Variants in MAST2 observed in about 807,000 individuals in gnomAD.
The protein encoded by MAST2 is microtubule-associated serine/threonine-protein kinase 2.
A neutral mutation model predicts 147.4 loss-of-function variants in MAST2; 70 were observed. That is an observed-to-expected ratio of 0.47 (90% confidence interval 0.39 to 0.58). MAST2 has a LOEUF of 0.58. Ranked by LOEUF, MAST2 falls within the 20% of genes least tolerant of loss-of-function variation. The probability of loss-of-function intolerance (pLI) is 0.00; values close to 1 mark genes in which losing one functional copy is unlikely to be tolerated. For synonymous variants in MAST2, 869 were observed against 896.8 expected (o/e 0.97, Z 0.55); for missense variants, 2,080 against 2,302.3 (o/e 0.90, Z 1.98).
intron 5 of MAST2, among the ~76,000 whole-genome samples, chr1:45,970,320 G>C (rs1360593759): frequency 6.6e-6 from 1 of 152,068 alleles, no homozygotes; most frequent in Non-Finnish European, 1.5e-5. Context: ...CTCAGTTACA[G>C]TTCAGGTCTT....
intron 4 of MAST2, among the ~76,000 whole-genome samples, chr1:45,951,544 C>T (rs561259905): frequency 6.6e-6 from 1 of 152,144 alleles, no homozygotes; most frequent in African/African-American, 2.4e-5. Context: ...GATTGAGCCA[C>T]TGCACTCCAA....
Position 45,934,353 on chromosome 1 carries a change from G to T in MAST2, c.501-25033G>T, listed in dbSNP as rs942737276. ...ACAAAAAAATTAGCCGGGCTTGGTGGCAGGTGCCTGTATTTCCAGCTACTC... is the reference window on the plus strand; with the variant it reads ...ACAAAAAAATTAGCCGGGCTTGGTGTCAGGTGCCTGTATTTCCAGCTACTC... On this transcript the variant is annotated intron_variant, in intron 4 of 28. Coordinates refer to ENST00000361297, the MANE Select transcript of MAST2 (RefSeq NM_015112.3). 2.6e-5 allele frequency among the ~76,000 whole-genome samples: 4 copies of T among 152,162 alleles called. No homozygotes were observed. The East Asian group carries it at 7.8e-4, about 29-fold the overall frequency.
chr1:45,956,605 A>T (rs1659695707), intron 4 of MAST2, among the ~76,000 whole-genome samples: 1 of 152,190 alleles, frequency 6.6e-6, no homozygotes, highest in African/African-American at 2.4e-5. Flanking sequence ...TCTGTCACAA[A>T]GTATGCAAGC....
chr1:45,965,594 C>T (rs1661070729), intron 5 of MAST2, among the ~76,000 whole-genome samples: 1 of 152,072 alleles, frequency 6.6e-6, no homozygotes, highest in Non-Finnish European at 1.5e-5. Flanking sequence ...TTCCTCCATC[C>T]CTTTATTTTG....
At chr1:45,847,651 C>A in intron 3 of MAST2, 1 of 450,914 alleles carries the variant, frequency 2.2e-6, no homozygotes, top group South Asian at 2.4e-5. Flanking sequence ...CACTCTAGAC[C>A]CAGGCAGTCT....
Position 46,035,363 on chromosome 1 carries a change from G to A in MAST2, c.4694G>A (p.Gly1565Glu), listed in dbSNP as rs1265130398. 1 of 1,613,326 alleles carries A rather than the reference G, an allele frequency of 6.2e-7. No homozygotes were observed. The highest frequency in any genetic ancestry group is 8.5e-7 in the Non-Finnish European group (1 of 1,179,746). Reference sequence around the variant, plus strand: ...CCAATGGTCCCAAGCCTATTGACAGGGATCACACTGGGGCCTCCCAGAATG... The same window carrying A: ...CCAATGGTCCCAAGCCTATTGACAGAGATCACACTGGGGCCTCCCAGAATG... ...LGPMVPSLLT[G>E]ITLGPPRMES... Residue 1565 changes from glycine (G) to glutamate (E), a missense_variant, in exon 29 of 29, where the codon GGG becomes GAG. Physicochemically the swap from Gly to Glu is moderately conservative, Grantham distance 98. Transcript: ENST00000361297. The surrounding 1 kb of genome is among the most constrained non-coding windows in gnomAD (Gnocchi z 5.5).
intron 5 of MAST2, among the ~76,000 whole-genome samples, chr1:45,995,694 G>T (rs1192236624): frequency 6.6e-6 from 1 of 152,206 alleles, no homozygotes; most frequent in Non-Finnish European, 1.5e-5. Context: ...TGGCATGACA[G>T]GCGTGAGCCA....
chr1:46,022,008 A>C lies in MAST2; in HGVS notation c.1349A>C (p.Glu450Ala). Residue 450 changes from glutamate to alanine, a missense_variant, in exon 12 of 29, where the codon GAG becomes GCG. By Grantham distance (107) the Glu-to-Ala change is moderately radical. Coordinates refer to ENST00000361297, the MANE Select transcript of MAST2 (RefSeq NM_015112.3). Reference protein sequence around the residue: ...LLEAAEGHAKEGQGIKCDIPR... With the variant: ...LLEAAEGHAKAGQGIKCDIPR... ...GAAGCAGCTGAGGGCCACGCCAAAG[A>C]GGGACAAGGGATTAAATGTGACATT... The C allele has an allele frequency of 6.2e-7, 1 of 1,614,198 alleles. No homozygotes were observed. The highest frequency in any genetic ancestry group is 1.1e-5 in the South Asian group (1 of 91,084).
At chr1:45,895,563 G>A (rs1648586619) in intron 4 of MAST2, among the ~76,000 whole-genome samples, 1 of 152,202 alleles carries the variant, frequency 6.6e-6, no homozygotes, top group Non-Finnish European at 1.5e-5. Context: ...GATGTACATG[G>A]ATGGTCCACG....
chr1:46,022,038 G>A lies in MAST2; in HGVS notation c.1379G>A (p.Arg460His), dbSNP rs201576606. 240 of 1,614,160 alleles carry A rather than the reference G, an allele frequency of 1.5e-4. No homozygotes were observed. The highest frequency in any genetic ancestry group is 1.9e-4 in the Non-Finnish European group (227 of 1,180,024). Residue 460 changes from arginine (R) to histidine (H), a missense_variant, in exon 12 of 29, where the codon CGC (arginine) becomes CAC (histidine). Coordinates refer to ENST00000361297, the MANE Select transcript of MAST2 (RefSeq NM_015112.3). ...EGQGIKCDIP[R>H]YIVSQLGLTR... Reference sequence around the variant, plus strand: ...CAAGGGATTAAATGTGACATTCCCCGCTACATCGTTAGCCAGCTGGGCCTC... The same window carrying A: ...CAAGGGATTAAATGTGACATTCCCCACTACATCGTTAGCCAGCTGGGCCTC...
intron 4 of MAST2, among the ~76,000 whole-genome samples, chr1:45,887,784 G>GA (rs1160368682): frequency 3.3e-5 from 5 of 152,172 alleles, no homozygotes; most frequent in Non-Finnish European, 5.9e-5. Flanking sequence ...TGAAAATCAG[G>GA]AAATTTTGCA....
chr1:45,850,838 T>C (rs1018796222), intron 3 of MAST2, among the ~76,000 whole-genome samples: 3 of 43,764 alleles, frequency 6.9e-5, no homozygotes, highest in South Asian at 1.2e-3. Flanking sequence ...GTACTATGCT[T>C]TTTTTTTTTT....
chr1:45,866,745 T>C (rs1646167236), intron 3 of MAST2, among the ~76,000 whole-genome samples: 1 of 121,656 alleles, frequency 8.2e-6, no homozygotes, highest in African/African-American at 3.0e-5. Context: ...TTATTTTGTC[T>C]ACTTTTTTTT....
At chr1:45,958,848 A>C (rs958129126) in intron 4 of MAST2, among the ~76,000 whole-genome samples, 4 of 152,196 alleles carry the variant, frequency 2.6e-5, no homozygotes, top group African/African-American at 4.8e-5. Context: ...CAGAAGAAAA[A>C]GCTTCAGACA....
intron 4 of MAST2, among the ~76,000 whole-genome samples, chr1:45,903,994 G>A (rs746703420): frequency 2.0e-5 from 3 of 152,064 alleles, no homozygotes; most frequent in Non-Finnish European, 4.4e-5. Context: ...CTATGTTCTT[G>A]CTTGCTTATT....
intron 4 of MAST2, among the ~76,000 whole-genome samples, chr1:45,929,110 A>G (rs549329749): frequency 6.6e-6 from 1 of 152,114 alleles, no homozygotes; most frequent in African/African-American, 2.4e-5. Context: ...GTGGCCATTG[A>G]TAATTATCAC....
At chr1:46,019,072 G>T (rs1403050442) in intron 10 of MAST2, among the ~76,000 whole-genome samples, 2 of 152,098 alleles carry the variant, frequency 1.3e-5, no homozygotes, top group Non-Finnish European at 2.9e-5. Flanking sequence ...CTATCCCCTT[G>T]TCTGCATTCT....
chr1:46,031,184 A>AC lies in MAST2; in HGVS notation c.2891dup (p.Ser965IlefsTer11), dbSNP rs994401249. On this transcript the variant is annotated frameshift_variant, in exon 23 of 29. Transcript: ENST00000361297. LOFTEE classifies it high-confidence loss of function. This position sits in a 1 kb window ranked among gnomAD's most constrained non-coding sequence, Gnocchi z 4.1. ...CACAGGAGGGTATATGGGTCCTGAC[A>AC]CCCCCATCTGGAGAGGGGGTATCTG... 3 of 1,582,178 alleles carry AC rather than the reference A, an allele frequency of 1.9e-6. No individual in the cohort carries two copies. The highest frequency in any genetic ancestry group is 2.6e-6 in the Non-Finnish European group (3 of 1,159,614).
chr1:45,831,578 A>T (rs920492839), intron 3 of MAST2, among the ~76,000 whole-genome samples: 1 of 152,166 alleles, frequency 6.6e-6, no homozygotes, highest in Non-Finnish European at 1.5e-5. Flanking sequence ...GTGAACACCC[A>T]TGTAAGTTTT....
Sources: allele counts gnomAD v4.1 joint callset (sites outside exome capture counted in the v4.1 genomes callset), GRCh38; gene constraint gnomAD v4.1.1; non-coding constraint Gnocchi (gnomAD v3.1); transcripts MANE v1.5; gene names NCBI Gene and HGNC (gene_info 2026-07-23, HGNC 2026-07-21).